The following ELF4 variants were observed in gnomAD, a reference collection of about 807,000 sequenced individuals.
ELF4 encodes E74 like ETS transcription factor 4.
In ELF4, 10 loss-of-function variants were observed where a neutral mutation model predicts 31.7. The ratio of observed to expected loss-of-function variants is 0.32; its 90% CI spans 0.19 to 0.54. ELF4 has a LOEUF of 0.54. Among genes scored for constraint, ELF4 ranks in the 20% least tolerant of loss-of-function variants. ELF4 has a pLI of 0.95. For missense variants in ELF4, 418 were observed against 522.0 expected (o/e 0.80, Z 1.94); for synonymous variants, 208 against 226.7 (o/e 0.92, Z 0.74).
In ELF4 at chrX:130,067,215, C is replaced by T; in HGVS notation, c.1498G>A (p.Ala500Thr). ...LAGANRPTNP[A>T]PPTVTGAGPA... ...CCAGCCCCTGTGACCGTGGGTGGCG[C>T]CGGGTTGGTCGGACGGTTGGCCCCA... is the stretch of plus-strand genomic sequence containing the variant. Residue 500 changes from alanine (A) to threonine (T), a missense_variant, in exon 9 of 9, where the codon GCG (alanine) becomes ACG (threonine). This residue lies in a region of ELF4 where 260 missense variants were observed against 269.2 expected (regional missense o/e 0.97). Transcript: ENST00000308167. 8.3e-7 allele frequency: 1 copy of T among 1,211,205 alleles called. No individual in the cohort carries two copies. The highest frequency in any genetic ancestry group is 1.1e-6 in the Non-Finnish European group (1 of 895,007).
At chrX:130,085,123 T>C (rs1180333801) in intron 1 of ELF4, among the ~76,000 whole-genome samples, 1 of 112,136 alleles carries the variant, frequency 8.9e-6, no homozygotes, top group Non-Finnish European at 1.9e-5. Flanking sequence ...CTTGCACAGC[T>C]CACAGCTTGC....
At chrX:130,067,807 A>T (rs1311801682) in intron 8 of ELF4, among the ~76,000 whole-genome samples, 5 of 107,761 alleles carry the variant, frequency 4.6e-5, no homozygotes, top group Non-Finnish European at 9.5e-5. Flanking sequence ...ACACCCAGCT[A>T]ATTTTTAATT....
intron 1 of ELF4, among the ~76,000 whole-genome samples, chrX:130,087,714 C>G (rs558468278): frequency 8.9e-6 from 1 of 111,787 alleles, no homozygotes; most frequent in Admixed American, 9.5e-5. Context: ...GTGATCCACC[C>G]GCCTCAGCCT....
chrX:130,105,854 CTGTGTGTGTGTG>C (rs60216838), intron 1 of ELF4, among the ~76,000 whole-genome samples: 1,468 of 86,354 alleles, frequency 0.017, 35 homozygotes, highest in African/African-American at 0.053. Context: ...CCCCAGGGGC[CTGTGTGTGTGTG>C]TGTGTGTGTG....
intron 1 of ELF4, among the ~76,000 whole-genome samples, chrX:130,082,925 T>C (rs922403120): frequency 1.2e-4 from 13 of 111,167 alleles, no homozygotes; most frequent in Non-Finnish European, 2.1e-4. Flanking sequence ...GGGCAAACCT[T>C]ATCCTGGCCC....
At position 130,081,406 on chromosome X, in the gene ELF4, ATACCCAGG is replaced by A; in HGVS notation, c.-84_-77del. On this transcript the variant is annotated 5_prime_UTR_variant, in exon 2 of 9. Coordinates refer to ENST00000308167, the MANE Select transcript of ELF4 (RefSeq NM_001421.4). ...GTGGGGCTTTCTTGATGAAGGGACA[ATACCCAGG>A]TACTTTGGAGCCTAGAGCCTACCCC... The A allele has an allele frequency of 2.9e-6, 3 of 1,035,589 alleles. No individual in the cohort carries two copies. The South Asian group carries it at 5.6e-5, about 19-fold the overall frequency. The allele number at this position is 1,035,589 out of a possible 1,213,427, so 85.3% of individuals were successfully genotyped here.
intron 1 of ELF4, among the ~76,000 whole-genome samples, chrX:130,084,833 C>A (rs376374928): frequency 8.9e-5 from 10 of 111,846 alleles, no homozygotes; most frequent in African/African-American, 1.9e-4. Context: ...GTGAACCCCC[C>A]CTTCAGTCCT....
At chrX:130,091,646 G>C (rs1221825824) in intron 1 of ELF4, among the ~76,000 whole-genome samples, 1 of 110,929 alleles carries the variant, frequency 9.0e-6, no homozygotes, top group Non-Finnish European at 1.9e-5. Context: ...GGTGCCTGCA[G>C]GGAGGTGTGG....
chrX:130,078,130 C>T (rs1302239194), intron 2 of ELF4, among the ~76,000 whole-genome samples: 4 of 15 alleles, frequency 0.27, no homozygotes, highest in Non-Finnish European at 0.31. Flanking sequence ...TCACTGCAAC[C>T]TCCACTACCG....
In ELF4 at chrX:130,071,168, C is replaced by T; in HGVS notation, c.681G>A (p.Lys227=). 1 of 1,211,831 alleles carries T rather than the reference C, an allele frequency of 8.3e-7. No homozygotes were observed. The highest frequency in any genetic ancestry group is 3.0e-5 in the East Asian group (1 of 33,854). The change falls in exon 7 of 9, where the codon AAG becomes AAA. Residue 227 remains lysine (K), a synonymous_variant. Transcript: ENST00000308167. ...TCTCTCGCTGGGTCCACTTGATGTA[C>T]TTGGGACAGGTGTTTCTGTCTTGCA... ...ALLQDRNTCP[K]YIKWTQREKG...
intron 1 of ELF4, among the ~76,000 whole-genome samples, chrX:130,106,285 C>T (rs1259681444): frequency 9.0e-6 from 1 of 110,776 alleles, no homozygotes; most frequent in Non-Finnish European, 1.9e-5. Flanking sequence ...CCTGACCAGC[C>T]ACTGGCCCGG....
intron 3 of ELF4, 89 bp downstream of exon 3, chrX:130,074,492 G>A (rs1294730246): frequency 8.7e-7 from 1 of 1,152,425 alleles, no homozygotes; most frequent in African/African-American, 1.8e-5. Flanking sequence ...ATTCTGCACG[G>A]GGTTACTAGA....
At chrX:130,070,855 AG>A (rs1433470298) in intron 7 of ELF4, among the ~76,000 whole-genome samples, 184 bp downstream of exon 7, 4 of 106,521 alleles carry the variant, frequency 3.8e-5, no homozygotes, top group Non-Finnish European at 5.8e-5. Context: ...ATACAAGAGG[AG>A]GGGGGCTCTT....
intron 1 of ELF4, among the ~76,000 whole-genome samples, chrX:130,101,963 C>T (rs1051589415): frequency 3.6e-5 from 4 of 111,151 alleles, no homozygotes; most frequent in Admixed American, 9.6e-5. Context: ...ATGGTGAAAC[C>T]GTGTCTCTAC....
chrX:130,081,255 C>G lies in ELF4; in HGVS notation c.75+1G>C. ...CTGTGCTCTGTTCTCTGGGGCCATACCTGGTGGATATCATCATCCATCCCG... is the reference window on the plus strand; with the variant it reads ...CTGTGCTCTGTTCTCTGGGGCCATAGCTGGTGGATATCATCATCCATCCCG... On this transcript the variant is annotated splice_donor_variant, in intron 2 of 8. Transcript: ENST00000308167. LOFTEE classifies it high-confidence loss of function. The G allele has an allele frequency of 8.3e-7, 1 of 1,211,863 alleles. No homozygotes were observed. The highest frequency in any genetic ancestry group is 1.1e-6 in the Non-Finnish European group (1 of 895,366).
intron 2 of ELF4, among the ~76,000 whole-genome samples, chrX:130,075,055 G>A (rs772364592): frequency 3.7e-5 from 4 of 109,348 alleles, no homozygotes; most frequent in Admixed American, 9.7e-5. Flanking sequence ...TGCAACCTCC[G>A]CCTCCCGGGT....
chrX:130,074,841 T>C (rs1932818897), intron 2 of ELF4, 89 bp from the exon 3 acceptor site: 1 of 1,059,321 alleles, frequency 9.4e-7, no homozygotes, highest in Admixed American at 2.5e-5. Flanking sequence ...GTGCAAGTCC[T>C]TATTCTTGGG....
Position 130,067,212 on chromosome X carries a change from G to A in ELF4, c.1501C>T (p.Pro501Ser). The A allele has an allele frequency of 6.6e-6, 8 of 1,211,323 alleles. No individual in the cohort carries two copies. The highest frequency in any genetic ancestry group is 8.9e-6 in the Non-Finnish European group (8 of 894,989). Residue 501 changes from proline (P) to serine (S), a missense_variant, in exon 9 of 9, where the codon CCA becomes TCA. By Grantham distance (74) the Pro-to-Ser change is moderately conservative. Around this residue, in one of 4 missense-constraint regions of ELF4, gnomAD observed 260 missense variants for 269.2 expected, o/e 0.97. Transcript: ENST00000308167. Reference sequence around the variant, plus strand: ...GGTCCAGCCCCTGTGACCGTGGGTGGCGCCGGGTTGGTCGGACGGTTGGCC... The same window carrying A: ...GGTCCAGCCCCTGTGACCGTGGGTGACGCCGGGTTGGTCGGACGGTTGGCC... ...AGANRPTNPA[P>S]PTVTGAGPAG...
At chrX:130,105,989 G>C (rs1332764966) in intron 1 of ELF4, among the ~76,000 whole-genome samples, 1 of 110,078 alleles carries the variant, frequency 9.1e-6, no homozygotes, top group Non-Finnish European at 1.9e-5. Context: ...TGGAGACAGG[G>C]GTTTGCACTG....
Sources: allele counts gnomAD v4.1 joint callset (sites outside exome capture counted in the v4.1 genomes callset), GRCh38; gene constraint gnomAD v4.1.1; regional missense constraint gnomAD v4.1.1; transcripts MANE v1.5; gene names NCBI Gene and HGNC (gene_info 2026-07-23, HGNC 2026-07-21).